The following NPSR1 variants were observed in gnomAD, a reference collection of about 807,000 sequenced individuals.
The protein encoded by NPSR1 is neuropeptide S receptor.
In NPSR1, 48 loss-of-function variants were observed where a neutral mutation model predicts 46.9. That is an observed-to-expected ratio of 1.02 (90% CI 0.81 to 1.30). The LOEUF (loss-of-function observed/expected upper bound fraction) is 1.30. Among genes scored for constraint, NPSR1 ranks in the 50% most tolerant of loss-of-function variants. The pLI is 0.00. For missense variants in NPSR1, 450 were observed against 449.5 expected (o/e 1.00, Z -0.01); for synonymous variants, 176 against 168.1 (o/e 1.05, Z -0.36).
At chr7:34,763,331 T>C (rs1412236053) in intron 2 of NPSR1, among the ~76,000 whole-genome samples, 1 of 152,208 alleles carries the variant, frequency 6.6e-6, no homozygotes, top group Non-Finnish European at 1.5e-5. Flanking sequence ...CCATCTGCTG[T>C]ATGAAATCAC....
At chr7:34,792,734 T>TTTTTATA (rs1787994356) in intron 3 of NPSR1, among the ~76,000 whole-genome samples, 2 of 123,300 alleles carry the variant, frequency 1.6e-5, no homozygotes, top group Non-Finnish European at 3.4e-5. Flanking sequence ...TATATATATA[T>TTTTTATA]TAGCCAGGCA....
intron 2 of NPSR1, chr7:34,723,324 T>A (rs1450967127): frequency 1.3e-5 from 2 of 152,600 alleles, no homozygotes; most frequent in Non-Finnish European, 2.9e-5. Flanking sequence ...ATAATCACCA[T>A]GACCTTCACT....
chr7:34,700,588 G>A (rs1039150568), intron 2 of NPSR1, among the ~76,000 whole-genome samples: 1 of 152,176 alleles, frequency 6.6e-6, no homozygotes, highest in Non-Finnish European at 1.5e-5. Context: ...ACACCTTCAA[G>A]AATGGCTATT....
chr7:34,849,955 C>T lies in NPSR1; in HGVS notation c.*300C>T. The stretch of plus-strand genomic sequence containing the variant: ...ACACAGGCATTAGTGGTCCAGGGTC[C>T]TGGCTTGGAGCCAGTGAGTAGACAG... On this transcript the variant is annotated 3_prime_UTR_variant, in exon 9 of 9. Transcript: ENST00000360581. The T allele has an allele frequency of 8.9e-7, 1 of 1,129,844 alleles. No individual in the cohort carries two copies. The highest frequency in any genetic ancestry group is 1.1e-6 in the Non-Finnish European group (1 of 918,522). The allele number at this position is 1,129,844 out of a possible 1,614,324, so 70.0% of individuals were successfully genotyped here. A position where few individuals can be genotyped will look rare whatever the true frequency, so the allele number is the denominator to read the frequency against.
At chr7:34,778,809 C>A (rs1787101149) in intron 3 of NPSR1, among the ~76,000 whole-genome samples, 1 of 152,084 alleles carries the variant, frequency 6.6e-6, no homozygotes, top group Non-Finnish European at 1.5e-5. Context: ...ATTCATATTT[C>A]AAATGTTAAA....
At chr7:34,777,251 T>C (rs974962658) in intron 2 of NPSR1, among the ~76,000 whole-genome samples, 5 of 152,156 alleles carry the variant, frequency 3.3e-5, no homozygotes, top group African/African-American at 1.2e-4. Flanking sequence ...ACTCAAGTTC[T>C]GACCACCAGG....
chr7:34,720,748 C>A (rs1273018367), intron 2 of NPSR1, among the ~76,000 whole-genome samples: 4 of 152,092 alleles, frequency 2.6e-5, no homozygotes, highest in Non-Finnish European at 5.9e-5. Flanking sequence ...CTTTGACCTG[C>A]CTCCAGATGC....
chr7:34,867,491 C>T (rs1249471089), intron 8 of NPSR1, among the ~76,000 whole-genome samples: 1 of 151,882 alleles, frequency 6.6e-6, no homozygotes, highest in African/African-American at 2.4e-5. Flanking sequence ...AGCTCCTCAG[C>T]CCAAGGAAGG....
At chr7:34,804,150 G>T (rs73327775) in intron 3 of NPSR1, among the ~76,000 whole-genome samples, 10,033 of 152,028 alleles carry the variant, frequency 0.066, 940 homozygotes, top group African/African-American at 0.21. Flanking sequence ...TCATATACTT[G>T]CTGACTTGTT....
At chr7:34,718,263 C>T (rs142740807) in intron 2 of NPSR1, among the ~76,000 whole-genome samples, 182 of 152,252 alleles carry the variant, frequency 1.2e-3, no homozygotes, top group Non-Finnish European at 2.0e-3. Context: ...AAAAATGCAG[C>T]TTGCATTGTT....
intron 3 of NPSR1, among the ~76,000 whole-genome samples, chr7:34,795,451 C>A (rs1788131196): frequency 6.6e-6 from 1 of 152,026 alleles, no homozygotes; most frequent in Non-Finnish European, 1.5e-5. Flanking sequence ...AAAAGACACA[C>A]TAATTGGAGG....
chr7:34,877,867 G>A (rs12701391), intron 8 of NPSR1, among the ~76,000 whole-genome samples: 10 of 152,256 alleles, frequency 6.6e-5, no homozygotes, highest in Admixed American at 2.0e-4. Flanking sequence ...AGCCCTTAGG[G>A]AAGAGTTGGA....
intron 1 of NPSR1, among the ~76,000 whole-genome samples, chr7:34,679,962 T>C (rs1792533127): frequency 6.6e-6 from 1 of 152,106 alleles, no homozygotes; most frequent in South Asian, 2.1e-4. Flanking sequence ...ATTGATCTTA[T>C]CTAGATAATT....
At chr7:34,780,439 G>A (rs1787180117) in intron 3 of NPSR1, among the ~76,000 whole-genome samples, 1 of 152,012 alleles carries the variant, frequency 6.6e-6, no homozygotes, top group African/African-American at 2.4e-5. Context: ...TTTTGACATA[G>A]GGAAAACGAT....
intron 2 of NPSR1, among the ~76,000 whole-genome samples, chr7:34,734,042 C>A (rs1784557534): frequency 6.6e-6 from 1 of 152,114 alleles, no homozygotes; most frequent in South Asian, 2.1e-4. Context: ...AAATATTCCC[C>A]TGGAAATGAA....
At chr7:34,681,923 T>C (rs1406161500) in intron 1 of NPSR1, among the ~76,000 whole-genome samples, 1 of 152,150 alleles carries the variant, frequency 6.6e-6, no homozygotes, top group Non-Finnish European at 1.5e-5. Context: ...GATTATATAA[T>C]TGACTATCCA....
chr7:34,830,366 A>C (rs183613122), intron 5 of NPSR1, among the ~76,000 whole-genome samples: 35 of 152,286 alleles, frequency 2.3e-4, no homozygotes, highest in Non-Finnish European at 2.1e-4. Context: ...AGAAAAAAAA[A>C]CATATCTTAG....
chr7:34,831,353 A>G (rs1790110448), intron 5 of NPSR1, among the ~76,000 whole-genome samples: 1 of 152,044 alleles, frequency 6.6e-6, no homozygotes, highest in Non-Finnish European at 1.5e-5. Flanking sequence ...ACACACGTGT[A>G]CACATACTGC....
chr7:34,826,004 G>A (rs906747818), intron 4 of NPSR1, among the ~76,000 whole-genome samples: 6 of 152,248 alleles, frequency 3.9e-5, no homozygotes, highest in African/African-American at 7.2e-5. Context: ...TTGTTATCTA[G>A]GATTTTAATT....
Sources: allele counts gnomAD v4.1 joint callset (sites outside exome capture counted in the v4.1 genomes callset), GRCh38; gene constraint gnomAD v4.1.1; transcripts MANE v1.5; gene names NCBI Gene and HGNC (gene_info 2026-07-23, HGNC 2026-07-21).